TMEM175: variants seen among roughly 807,000 people sequenced by gnomAD.
The protein encoded by TMEM175 is transmembrane protein 175.
A neutral mutation model predicts 36.5 loss-of-function variants in TMEM175; 36 were observed. That is an observed-to-expected ratio of 0.99 (90% CI 0.76 to 1.30). The LOEUF (loss-of-function observed/expected upper bound fraction) is 1.30. TMEM175 is among the 50% of genes most tolerant of loss of function. The pLI, the probability that TMEM175 is intolerant of heterozygous loss-of-function variation, is 0.00. For synonymous variants in TMEM175, 339 were observed against 313.4 expected (o/e 1.08, Z -0.86); for missense variants, 705 against 692.8 (o/e 1.02, Z -0.20).
chr4:947,674 C>T, intron 1 of TMEM175, 35 bp from the exon 2 acceptor site: 1 of 1,535,216 alleles, frequency 6.5e-7, no homozygotes, highest in South Asian at 1.2e-5. Flanking sequence ...CCAGGAGCGC[C>T]CCACAGGCAC....
In TMEM175 at chr4:948,149, G is replaced by C; in HGVS notation, c.187G>C (p.Glu63Gln). 6.2e-7 allele frequency: 1 copy of C among 1,614,176 alleles called. No homozygotes were observed. Among genetic ancestry groups the C allele is most frequent in the Non-Finnish European group, 8.5e-7 (1 of 1,180,046 alleles). The change falls in exon 3 of 11, where the codon GAA becomes CAA. Residue 63 changes from glutamate to glutamine, a missense_variant. By Grantham distance (29) the Glu-to-Gln change is conservative. Coordinates refer to ENST00000264771, the MANE Select transcript of TMEM175 (RefSeq NM_032326.4). ...TGTGACCCACACGGAGATCTCCCCA[G>C]AACAGGTAACGGGGCAGGCTGTGCT... ...LPVTHTEISP[E>Q]QQFDRSVQRL...
intron 1 of TMEM175, among the ~76,000 whole-genome samples, chr4:935,986 C>T (rs1053455058): frequency 6.6e-6 from 1 of 152,058 alleles, no homozygotes; most frequent in Non-Finnish European, 1.5e-5. Flanking sequence ...GCATTTAAAA[C>T]TGGTGGGATG....
At position 952,459 on chromosome 4, in the gene TMEM175, C is replaced by G; in HGVS notation, c.462+9C>G. ...CCATTGGGGTCGTGCAGGTAGGGGG[C>G]CTGGGGGGCCTGCACTGTGTGTGTG... On this transcript the variant is annotated intron_variant, in intron 7 of 10. Coordinates refer to ENST00000264771, the MANE Select transcript of TMEM175 (RefSeq NM_032326.4). The G allele has an allele frequency of 6.4e-7, 1 of 1,563,834 alleles. No homozygotes were observed. The highest frequency in any genetic ancestry group is 8.6e-7 in the Non-Finnish European group (1 of 1,158,380).
At chr4:943,276 G>A (rs1216925627) in intron 1 of TMEM175, among the ~76,000 whole-genome samples, 2 of 152,210 alleles carry the variant, frequency 1.3e-5, no homozygotes, top group Non-Finnish European at 2.9e-5. Flanking sequence ...TTCCTAGACG[G>A]AGTCTTACTC....
intron 6 of TMEM175, 91 bp from the exon 7 acceptor site, chr4:952,276 G>C (rs1373009836): frequency 1.8e-6 from 2 of 1,141,996 alleles, no homozygotes; most frequent in African/African-American, 3.0e-5. Flanking sequence ...GCGTCCCGTG[G>C]AGTGGGGAGG....
intron 3 of TMEM175, 121 bp downstream of exon 3, chr4:948,275 G>A (rs1190169419): frequency 6.3e-7 from 1 of 1,587,846 alleles, no homozygotes; most frequent in African/African-American, 1.3e-5. Flanking sequence ...TTAGGAGGCA[G>A]AGGCGGGAGG....
chr4:952,563 CTGTG>C (rs147980248), intron 7 of TMEM175, 113 bp downstream of exon 7: 180,073 of 657,824 alleles, frequency 0.27, 12,779 homozygotes, highest in African/African-American at 0.31. Context: ...GGGGCCTGCA[CTGTG>C]TGTGTGTGTG....
chr4:941,563 C>T (rs1442942153), intron 1 of TMEM175, among the ~76,000 whole-genome samples: 3 of 151,610 alleles, frequency 2.0e-5, no homozygotes, highest in South Asian at 4.2e-4. Flanking sequence ...GTCAAACTCC[C>T]GAGTAGCTGG....
intron 1 of TMEM175, among the ~76,000 whole-genome samples, chr4:933,438 C>T (rs2152994517): frequency 6.6e-6 from 1 of 152,128 alleles, no homozygotes; most frequent in African/African-American, 2.4e-5. Context: ...ACCCGGGAGG[C>T]GGGCGCCACT....
At chr4:934,031 A>C (rs1726489433) in intron 1 of TMEM175, among the ~76,000 whole-genome samples, 1 of 152,280 alleles carries the variant, frequency 6.6e-6, no homozygotes, top group African/African-American at 2.4e-5. Flanking sequence ...TTGGGATGAG[A>C]AAATATGCTC....
chr4:958,007 G>A lies in TMEM175; in HGVS notation c.1026G>A (p.Gly342=), dbSNP rs1452215510. The part of the protein sequence containing the change: ...LHVRKATRAM[G]LLNTLSLAFV... Reference sequence around the variant, plus strand: ...TGCGCAAGGCCACGCGGGCCATGGGGCTGCTGAACACGCTCTCGCTGGCCT... The same window carrying A: ...TGCGCAAGGCCACGCGGGCCATGGGACTGCTGAACACGCTCTCGCTGGCCT... The change falls in exon 11 of 11, where the codon GGG becomes GGA. Residue 342 remains glycine, a synonymous_variant. Coordinates refer to ENST00000264771, the MANE Select transcript of TMEM175 (RefSeq NM_032326.4). 4 of 1,612,608 alleles carry A rather than the reference G, an allele frequency of 2.5e-6. No homozygotes were observed. The highest frequency in any genetic ancestry group is 1.1e-5 in the South Asian group (1 of 91,070).
chr4:956,024 G>A, intron 10 of TMEM175, 134 bp downstream of exon 10: 6 of 1,177,918 alleles, frequency 5.1e-6, no homozygotes, highest in Non-Finnish European at 7.1e-6. Context: ...AGAGTTTTGT[G>A]TGAGGTCAGG....
chr4:955,825 G>C lies in TMEM175; in HGVS notation c.777G>C (p.Glu259Asp). 5 of 1,614,096 alleles carry C rather than the reference G, an allele frequency of 3.1e-6. No individual in the cohort carries two copies. Among genetic ancestry groups the C allele is most frequent in the Non-Finnish European group, 3.4e-6 (4 of 1,180,012 alleles). ...ACCTCCACGAGCCACTCAGCAAGGA[G>C]CGCGTGGAAGCCTTCAGCGACGGAG... ...SFDLHEPLSK[E>D]RVEAFSDGVY... The change falls in exon 10 of 11, where the codon GAG becomes GAC. Residue 259 changes from glutamate (E) to aspartate (D), a missense_variant. Coordinates refer to ENST00000264771, the MANE Select transcript of TMEM175 (RefSeq NM_032326.4).
chr4:956,504 T>C (rs1193645308), intron 10 of TMEM175: 3 of 1,252,890 alleles, frequency 2.4e-6, no homozygotes. Flanking sequence ...GTATAGTGGC[T>C]CAAGCTCAGC....
At position 952,431 on chromosome 4, in the gene TMEM175, T is replaced by C. The variant is rs1250086421; in HGVS notation, c.443T>C (p.Ile148Thr). The change falls in exon 7 of 11, where the codon ATC (isoleucine) becomes ACC (threonine). Residue 148 changes from isoleucine to threonine, a missense_variant. Ile to Thr is a moderately conservative substitution (Grantham distance 89). Coordinates refer to ENST00000264771, the MANE Select transcript of TMEM175 (RefSeq NM_032326.4). ...ATCTTCTTGTTCTGTGTGTGTGTGA[T>C]CGCCATTGGGGTCGTGCAGGTAGGG... The part of the protein sequence containing the change: ...LGIFLFCVCV[I>T]AIGVVQALIV... The C allele has an allele frequency of 4.4e-6, 7 of 1,603,588 alleles. No individual in the cohort carries two copies. The highest frequency in any genetic ancestry group is 5.9e-6 in the Non-Finnish European group (7 of 1,176,796).
intron 3 of TMEM175, 66 bp downstream of exon 3, chr4:948,220 C>A (rs750729190): frequency 6.2e-7 from 1 of 1,613,436 alleles, no homozygotes; most frequent in Admixed American, 1.7e-5. Flanking sequence ...CGAGGCTCGA[C>A]CTGGCACAGG....
intron 5 of TMEM175, 87 bp downstream of exon 5, chr4:951,345 T>C (rs879136934): frequency 6.9e-7 from 1 of 1,449,242 alleles, no homozygotes; most frequent in South Asian, 1.1e-5. Flanking sequence ...AGCCGGCCTC[T>C]CTCGTGACCT....
intron 1 of TMEM175, among the ~76,000 whole-genome samples, chr4:937,162 C>T (rs996224337): frequency 6.6e-6 from 1 of 151,876 alleles, no homozygotes; most frequent in Non-Finnish European, 1.5e-5. Flanking sequence ...TACTATATAC[C>T]TATAAAAATT....
intron 8 of TMEM175, among the ~76,000 whole-genome samples, chr4:954,298 G>C (rs1729340087): frequency 6.6e-6 from 1 of 152,150 alleles, no homozygotes; most frequent in African/African-American, 2.4e-5. Context: ...ATTTTCTTTT[G>C]GATAAGGAAT....
Sources: gnomAD v4.1 joint callset for allele counts (sites outside exome capture counted in the v4.1 genomes callset) on GRCh38, gnomAD v4.1.1 for gene constraint, MANE v1.5 for transcripts, NCBI Gene and HGNC (gene_info 2026-07-23, HGNC 2026-07-21) for gene names.